MYO10: variants seen among roughly 807,000 people sequenced by gnomAD.
The protein encoded by MYO10 is unconventional myosin-X.
A neutral mutation model predicts 257.3 loss-of-function variants in MYO10; 133 were observed. The observed-to-expected ratio is 0.52, with a 90% CI of 0.45 to 0.60. The LOEUF (loss-of-function observed/expected upper bound fraction) is 0.60, where lower values mean the gene tolerates loss of function less well. Among genes scored for constraint, MYO10 ranks in the 20% least tolerant of loss-of-function variants. The probability of loss-of-function intolerance (pLI) is 0.00; values close to 1 mark genes in which losing one functional copy is unlikely to be tolerated. For missense variants in MYO10, 2,399 were observed against 2,635.7 expected (o/e 0.91, Z 1.97); for synonymous variants, 1,104 against 1,028.6 (o/e 1.07, Z -1.40).
Position 16,673,883 on chromosome 5 carries a change from C to A in MYO10, c.4971G>T (p.Arg1657=), listed in dbSNP as rs1736594862. 6.2e-7 allele frequency: 1 copy of A among 1,613,798 alleles called. No homozygotes were observed. Among genetic ancestry groups the A allele is most frequent in the Admixed American group, 1.7e-5 (1 of 60,006 alleles). ...KYLKFHLKRI[R]EQFPGSEMEK... is the part of the protein sequence containing the mutation. ...CCATCTCGCTTCCTGGAAACTGTTC[C>A]CGTATCCTAGGAGGCAAACACTAAC... The change falls in exon 36 of 41, where the codon CGG becomes CGT. Residue 1657 remains arginine (R), a synonymous_variant. Transcript: ENST00000513610.
chr5:16,675,994 T>C (rs28057), intron 34 of MYO10, 37 bp downstream of exon 34: 575,758 of 1,573,660 alleles, frequency 0.37, 106,996 homozygotes, highest in South Asian at 0.44. Flanking sequence ...AGTGGAATCA[T>C]GGTCTCTGAG....
At chr5:16,783,601 G>A in intron 4 of MYO10, 132 bp from the exon 5 acceptor site, 1 of 1,039,092 alleles carries the variant, frequency 9.6e-7, no homozygotes, top group Non-Finnish European at 1.4e-6. Flanking sequence ...CAAAATGCCT[G>A]TTTCCAAAGA....
At chr5:16,699,868 C>A (rs1459294222) in intron 25 of MYO10, among the ~76,000 whole-genome samples, 1 of 148,118 alleles carries the variant, frequency 6.8e-6, no homozygotes, top group African/African-American at 2.5e-5. Flanking sequence ...CGGTAGCACA[C>A]AAATAATTCG....
chr5:16,927,697 T>C (rs1385095033), intron 1 of MYO10, among the ~76,000 whole-genome samples: 1 of 152,198 alleles, frequency 6.6e-6, no homozygotes, highest in Admixed American at 6.6e-5. Context: ...GGAGTCGGAC[T>C]GGGTGAAGGT....
chr5:16,869,616 G>A (rs938621823), intron 2 of MYO10, among the ~76,000 whole-genome samples: 1 of 151,932 alleles, frequency 6.6e-6, no homozygotes, highest in Non-Finnish European at 1.5e-5. Flanking sequence ...TGTAATCCCA[G>A]CACTTTGGGA....
At position 16,681,895 on chromosome 5, in the gene MYO10, C is replaced by T; in HGVS notation, c.4165G>A (p.Glu1389Lys). Reference sequence around the variant, plus strand: ...CCTCTCACGATGAATTCCTGGCCCTCCACTCTGGTGTCCCCTTTGGACCTC... The same window carrying T: ...CCTCTCACGATGAATTCCTGGCCCTTCACTCTGGTGTCCCCTTTGGACCTC... ...LQRSKGDTRV[E>K]GQEFIVRGWL... Residue 1389 changes from glutamate to lysine, a missense_variant, in exon 31 of 41, where the codon GAG becomes AAG. Glu to Lys is a moderately conservative substitution (Grantham distance 56). Transcript: ENST00000513610. 1 of 1,613,980 alleles carries T rather than the reference C, an allele frequency of 6.2e-7. No homozygotes were observed. The highest frequency in any genetic ancestry group is 8.5e-7 in the Non-Finnish European group (1 of 1,179,878).
At chr5:16,935,649 A>T in intron 1 of MYO10, 139 bp downstream of exon 1, 1 of 922,310 alleles carries the variant, frequency 1.1e-6, no homozygotes, top group Non-Finnish European at 1.7e-6. Flanking sequence ...CCGCGGGGGG[A>T]TGGGGGGTGA....
At chr5:16,880,888 A>G (rs1357295188) in intron 1 of MYO10, among the ~76,000 whole-genome samples, 1 of 152,232 alleles carries the variant, frequency 6.6e-6, no homozygotes, top group Non-Finnish European at 1.5e-5. Flanking sequence ...GTAACATTCT[A>G]GAAAAAGATT....
In MYO10 at chr5:16,818,119, T is replaced by C. The variant is rs1286922646; in HGVS notation, c.169A>G (p.Met57Val). Residue 57 changes from methionine to valine, a missense_variant, in exon 3 of 41, where the codon ATG (methionine) becomes GTG (valine). Physicochemically the swap from Met to Val is conservative, Grantham distance 21. Around this residue, in one of 3 missense-constraint regions of MYO10, gnomAD observed 242 missense variants for 249.5 expected, o/e 0.97. Transcript: ENST00000513610. Reference sequence around the variant, plus strand: ...ACGCCCTCCTCGTTCGTGGGGTGCATAGCAGTCACCTTCTGGTGGGTAATT... The same window carrying C: ...ACGCCCTCCTCGTTCGTGGGGTGCACAGCAGTCACCTTCTGGTGGGTAATT... ...STITHQKVTA[M>V]HPTNEEGVDD... 1 of 1,609,654 alleles carries C rather than the reference T, an allele frequency of 6.2e-7. No individual in the cohort carries two copies. Among genetic ancestry groups the C allele is most frequent in the Admixed American group, 1.7e-5 (1 of 59,874 alleles).
At position 16,794,785 on chromosome 5, in the gene MYO10, C is replaced by A. The variant is rs1579998755; in HGVS notation, c.328G>T (p.Ala110Ser). The change falls in exon 4 of 41, where the codon GCC (alanine) becomes TCC (serine). Residue 110 changes from alanine (A) to serine (S), a missense_variant. Physicochemically the swap from Ala to Ser is moderately conservative, Grantham distance 99. Coordinates refer to ENST00000513610, the MANE Select transcript of MYO10 (RefSeq NM_012334.3). ...LASVNPYQPI[A>S]GLYEPATMEQ... ...ATGGTGGCAGGCTCGTACAGCCCGG[C>A]GATGGGCTGGTAGGGGTTCACGGAG... 1.9e-6 allele frequency: 3 copies of A among 1,598,960 alleles called. No individual in the cohort carries two copies. The highest frequency in any genetic ancestry group is 2.3e-5 in the South Asian group (2 of 88,704).
chr5:16,859,095 C>T (rs527334896), intron 2 of MYO10, among the ~76,000 whole-genome samples: 1 of 152,266 alleles, frequency 6.6e-6, no homozygotes, highest in African/African-American at 2.4e-5. Context: ...GTCTTTTAAG[C>T]CAAGGAGGGC....
chr5:16,740,448 A>G (rs1447220101), intron 19 of MYO10, among the ~76,000 whole-genome samples: 1 of 152,196 alleles, frequency 6.6e-6, no homozygotes, highest in Non-Finnish European at 1.5e-5. Context: ...CAGTGGGAGC[A>G]GGAGTGCCAT....
At chr5:16,810,054 G>A (rs547576837) in intron 3 of MYO10, among the ~76,000 whole-genome samples, 4 of 152,200 alleles carry the variant, frequency 2.6e-5, no homozygotes, top group Admixed American at 2.6e-4. Context: ...GCCACGCCTC[G>A]GAACCTGGCA....
intron 1 of MYO10, among the ~76,000 whole-genome samples, chr5:16,910,034 A>C (rs1014494522): frequency 3.9e-5 from 6 of 152,142 alleles, no homozygotes; most frequent in African/African-American, 1.4e-4. Flanking sequence ...CAGAACCATG[A>C]GCCAAATAAA....
At position 16,701,665 on chromosome 5, in the gene MYO10, C is replaced by A. The variant is rs758736664; in HGVS notation, c.2730G>T (p.Ser910=). The A allele has an allele frequency of 1.4e-5, 23 of 1,613,690 alleles. No homozygotes were observed. In the East Asian group the frequency reaches 5.1e-4, roughly 36 times the overall value. Residue 910 remains serine (S), a synonymous_variant, in exon 25 of 41, where the codon TCG becomes TCT. Coordinates refer to ENST00000513610, the MANE Select transcript of MYO10 (RefSeq NM_012334.3). This position sits in a 1 kb window ranked among gnomAD's most constrained non-coding sequence, Gnocchi z 8.1. ...LQRMKEQQEL[S]LTEASLQKLQ... is the part of the protein sequence containing the mutation. Reference sequence around the variant, plus strand: ...GCTTCTGCAGGGAAGCCTCGGTCAGCGACAGCTCCTGCTGCTCCTTCATGC... The same window carrying A: ...GCTTCTGCAGGGAAGCCTCGGTCAGAGACAGCTCCTGCTGCTCCTTCATGC...
intron 1 of MYO10, among the ~76,000 whole-genome samples, chr5:16,898,931 A>AG (rs1444630795): frequency 0.27 from 31,710 of 117,502 alleles, 6,111 homozygotes; most frequent in Admixed American, 0.34. Flanking sequence ...AGATCACCTG[A>AG]GCCTGGCCAC....
intron 1 of MYO10, among the ~76,000 whole-genome samples, chr5:16,935,102 C>A (rs957015199): frequency 3.3e-5 from 5 of 152,212 alleles, no homozygotes; most frequent in African/African-American, 9.6e-5. Context: ...CCCTCAACGA[C>A]CCTAAAGAGG....
At chr5:16,687,891 A>G (rs573488440) in intron 28 of MYO10, among the ~76,000 whole-genome samples, 2 of 152,342 alleles carry the variant, frequency 1.3e-5, no homozygotes, top group Non-Finnish European at 2.9e-5. Flanking sequence ...AAAGGCATCA[A>G]ATTTGTTGCA....
intron 1 of MYO10, among the ~76,000 whole-genome samples, chr5:16,884,608 G>A (rs776190897): frequency 5.3e-5 from 8 of 151,994 alleles, no homozygotes; most frequent in East Asian, 1.9e-4. Flanking sequence ...CTGCAGAAAC[G>A]GGTTGTGAGC....
Sources: gnomAD v4.1 joint callset for allele counts (sites outside exome capture counted in the v4.1 genomes callset) on GRCh38, gnomAD v4.1.1 for gene constraint, gnomAD v4.1.1 regional missense constraint, Gnocchi (gnomAD v3.1) non-coding constraint, MANE v1.5 for transcripts, NCBI Gene and HGNC (gene_info 2026-07-23, HGNC 2026-07-21) for gene names.